The following JAG2 variants were observed in gnomAD, a reference collection of about 807,000 sequenced individuals.
JAG2 encodes protein jagged-2.
In JAG2, 46 loss-of-function variants were observed where a neutral mutation model predicts 141.7. That is an observed-to-expected ratio of 0.32 (90% CI 0.26 to 0.42). JAG2 has a LOEUF of 0.42. Ranked by LOEUF, JAG2 falls within the 10% of genes least tolerant of loss-of-function variation. The pLI is 1.00. For missense variants in JAG2, 1,500 were observed against 1,817.5 expected, an observed-to-expected ratio of 0.83 and a Z score of 3.18; for synonymous variants, 862 against 763.5, an observed-to-expected ratio of 1.13 and a Z score of -2.13.
chr14:105,147,279 C>T (rs1051849463), intron 20 of JAG2, 47 bp downstream of exon 20: 50 of 1,458,126 alleles, frequency 3.4e-5, no homozygotes, highest in Non-Finnish European at 4.2e-5. Context: ...CCTGACACCG[C>T]GGCTGGGCTG....
At chr14:105,153,936 C>A (rs889278420) in intron 5 of JAG2, among the ~76,000 whole-genome samples, 1 of 152,220 alleles carries the variant, frequency 6.6e-6, no homozygotes, top group African/African-American at 2.4e-5. Context: ...TCTACATCTG[C>A]CCAGACCAGG....
At position 105,142,788 on chromosome 14, in the gene JAG2, C is replaced by A; in HGVS notation, c.3624G>T (p.Ser1208=). The A allele has an allele frequency of 6.2e-7, 1 of 1,610,842 alleles. No individual in the cohort carries two copies. The highest frequency in any genetic ancestry group is 8.5e-7 in the Non-Finnish European group (1 of 1,179,012). Residue 1208 remains serine, a synonymous_variant, in exon 26 of 26, where the codon TCG becomes TCT. Transcript: ENST00000331782. ...AGGCCCAGTGGGCCGGCCTCCCCGGCGAGCGGCCAGGATCTTTGGTGAATT... is the reference window on the plus strand; with the variant it reads ...AGGCCCAGTGGGCCGGCCTCCCCGGAGAGCGGCCAGGATCTTTGGTGAATT... ...SHKFTKDPGR[S]PGRPAHWASG...
At chr14:105,168,141 CGCGGGCCGGGGTCG>C (rs774905555) in intron 1 of JAG2, 34 bp from the exon 2 acceptor site, 22 of 1,465,002 alleles carry the variant, frequency 1.5e-5, no homozygotes, top group South Asian at 6.5e-5. Context: ...CGGAGGGAGG[CGCGGGCCGGGGTCG>C]GCGGGCCGGG....
At position 105,146,496 on chromosome 14, in the gene JAG2, G is replaced by A. The variant is rs369469630; in HGVS notation, c.2598C>T (p.Ile866=). 4.5e-5 allele frequency: 73 copies of A among 1,612,606 alleles called. No homozygotes were observed. The highest frequency in any genetic ancestry group is 1.7e-4 in the Middle Eastern group (1 of 6,060). Reference sequence around the variant, plus strand: ...GGGACCAGCAGGATCTCCCGAACCCGATCACTGTGGGGAGAAGGGGCTCGA... The same window carrying A: ...GGGACCAGCAGGATCTCCCGAACCCAATCACTGTGGGGAGAAGGGGCTCGA... The part of the protein sequence containing the change: ...GRAGPRCQEV[I]GFGRSCWSRG... The change falls in exon 22 of 26, where the codon ATC becomes ATT. Residue 866 remains isoleucine (I), a synonymous_variant. Transcript: ENST00000331782.
intron 22 of JAG2, 129 bp from the exon 23 acceptor site, chr14:105,146,102 C>A (rs1400392030): frequency 1.5e-5 from 21 of 1,442,672 alleles, no homozygotes; most frequent in Non-Finnish European, 2.8e-6. Context: ...TCTGTGAGCC[C>A]CAGGGCCCAG....
chr14:105,160,824 T>C (rs1464123308), intron 2 of JAG2, among the ~76,000 whole-genome samples: 2 of 150,318 alleles, frequency 1.3e-5, no homozygotes, highest in Admixed American at 6.6e-5. Context: ...GATCGCACCA[T>C]TGCACTCCAG....
chr14:105,165,356 G>A (rs749536184), intron 2 of JAG2, among the ~76,000 whole-genome samples: 1 of 152,314 alleles, frequency 6.6e-6, no homozygotes, highest in South Asian at 2.1e-4. Flanking sequence ...GTGCACACAC[G>A]CAGCTGGGAG....
intron 5 of JAG2, among the ~76,000 whole-genome samples, chr14:105,153,837 C>T (rs2140982894): frequency 6.6e-6 from 1 of 152,314 alleles, no homozygotes; most frequent in East Asian, 1.9e-4. Flanking sequence ...AGCCAGCAGC[C>T]ATCCAGGGAG....
chr14:105,145,220 G>A (rs1233498568), intron 23 of JAG2, among the ~76,000 whole-genome samples, 159 bp from the exon 24 acceptor site: 1 of 152,186 alleles, frequency 6.6e-6, no homozygotes, highest in Non-Finnish European at 1.5e-5. Flanking sequence ...TTCCCACCCG[G>A]CTGTGCCCTA....
At chr14:105,143,369 A>G in intron 25 of JAG2, 113 bp downstream of exon 25, 2 of 1,373,460 alleles carry the variant, frequency 1.5e-6, no homozygotes, top group South Asian at 2.5e-5. Flanking sequence ...AGCAGGTGCC[A>G]GGGACTTCTG....
chr14:105,155,627 G>A lies in JAG2; in HGVS notation c.728-5C>T, dbSNP rs756900214. 30 of 1,612,620 alleles carry A rather than the reference G, an allele frequency of 1.9e-5. No individual in the cohort carries two copies. In the Admixed American group the frequency reaches 2.0e-4, roughly 11 times the overall value. Reference sequence around the variant, plus strand: ...TACACCCTTGTTTACACACAGCTGCGAACAGAGAGGAGCGAGAGGCACAGC... The same window carrying A: ...TACACCCTTGTTTACACACAGCTGCAAACAGAGAGGAGCGAGAGGCACAGC... On this transcript the variant is annotated splice_polypyrimidine_tract_variant and splice_region_variant and intron_variant, in intron 4 of 25. Coordinates refer to ENST00000331782, the MANE Select transcript of JAG2 (RefSeq NM_002226.5).
At chr14:105,162,274 G>A (rs117109343) in intron 2 of JAG2, among the ~76,000 whole-genome samples, 1,550 of 152,062 alleles carry the variant, frequency 0.01, 55 homozygotes, top group Admixed American at 0.079. Context: ...CTACAAGCCC[G>A]GCCTGACCCA....
chr14:105,145,656 G>A, intron 23 of JAG2, 75 bp downstream of exon 23: 2 of 1,534,300 alleles, frequency 1.3e-6, no homozygotes, highest in East Asian at 2.5e-5. Flanking sequence ...GCCCTGCGGG[G>A]CTAGGCTTTC....
rs954216039 is a variant in JAG2, at chr14:105,167,032, C to G, written c.417+725G>C. 6.6e-6 allele frequency among the ~76,000 whole-genome samples: 1 copy of G among 152,158 alleles called. No individual in the cohort carries two copies. The highest frequency in any genetic ancestry group is 1.5e-5 in the Non-Finnish European group (1 of 68,012). ...CCTGTTTCCCAGTGACACTGGACCCCTACCACCCCTCCTCCCAGCACGCCC... is the reference window on the plus strand; with the variant it reads ...CCTGTTTCCCAGTGACACTGGACCCGTACCACCCCTCCTCCCAGCACGCCC... On this transcript the variant is annotated intron_variant, in intron 2 of 25. Coordinates refer to ENST00000331782, the MANE Select transcript of JAG2 (RefSeq NM_002226.5). This position sits in a 1 kb window ranked among gnomAD's most constrained non-coding sequence, Gnocchi z 4.8.
In JAG2 at chr14:105,167,019, T is replaced by C. The variant is rs995526675; in HGVS notation, c.417+738A>G. Among the ~76,000 whole-genome samples the C allele has an allele frequency of 6.6e-6, 1 of 152,090 alleles. No homozygotes were observed. The highest frequency in any genetic ancestry group is 1.5e-5 in the Non-Finnish European group (1 of 67,992). The stretch of plus-strand genomic sequence containing the variant: ...ACTGGGATGAGTACCTGTTTCCCAG[T>C]GACACTGGACCCCTACCACCCCTCC... On this transcript the variant is annotated intron_variant, in intron 2 of 25. Transcript: ENST00000331782. This position sits in a 1 kb window ranked among gnomAD's most constrained non-coding sequence, Gnocchi z 4.8.
rs1384301928 is a variant in JAG2, at chr14:105,149,163, C to G, written c.1753+7G>C. On this transcript the variant is annotated splice_region_variant and intron_variant, in intron 13 of 25. Coordinates refer to ENST00000331782, the MANE Select transcript of JAG2 (RefSeq NM_002226.5). ...CCTCCCCCACCACCCCATGCCGCAC[C>G]CAGCACCTCTGCAGGCCCCGCCAGG... 6.2e-6 allele frequency: 10 copies of G among 1,609,890 alleles called. No homozygotes were observed. The highest frequency in any genetic ancestry group is 8.5e-6 in the Non-Finnish European group (10 of 1,179,138).
intron 9 of JAG2, 56 bp downstream of exon 9, chr14:105,151,227 C>T: frequency 6.5e-7 from 1 of 1,535,592 alleles, no homozygotes; most frequent in Non-Finnish European, 8.8e-7. Context: ...GCCCCAGCAG[C>T]CCCCGCAGCC....
chr14:105,143,510 C>A lies in JAG2; in HGVS notation c.3213G>T (p.Glu1071Asp). The A allele has an allele frequency of 6.4e-7, 1 of 1,572,788 alleles. No individual in the cohort carries two copies. The highest frequency in any genetic ancestry group is 8.6e-7 in the Non-Finnish European group (1 of 1,161,460). Reference protein sequence around the residue: ...LLLAVTEVKVETVVTGGSSTG... With the variant: ...LLLAVTEVKVDTVVTGGSSTG... ...TGGAAGAGCCGCCCGTAACAACCGT[C>A]TCCACCTTGACCTCGGTGACAGCCA... The change falls in exon 25 of 26, where the codon GAG becomes GAT. Residue 1071 changes from glutamate (E) to aspartate (D), a missense_variant. This residue lies in a region of JAG2 where 425 missense variants were observed against 441.0 expected (regional missense o/e 0.96). Transcript: ENST00000331782.
At position 105,154,174 on chromosome 14, in the gene JAG2, C is replaced by T. The variant is rs968420791; in HGVS notation, c.788+1388G>A. Among the ~76,000 whole-genome samples, 1 of 152,200 alleles carries T rather than the reference C, an allele frequency of 6.6e-6. No homozygotes were observed. Among genetic ancestry groups the T allele is most frequent in the African/African-American group, 2.4e-5 (1 of 41,446 alleles). On this transcript the variant is annotated intron_variant, in intron 5 of 25. Transcript: ENST00000331782. This position sits in a 1 kb window ranked among gnomAD's most constrained non-coding sequence, Gnocchi z 4.4. Reference sequence around the variant, plus strand: ...CCAACTCAGCTGGTTCCCAAACTCCCCGACTCCTCTCCAAAACGCCACGCT... The same window carrying T: ...CCAACTCAGCTGGTTCCCAAACTCCTCGACTCCTCTCCAAAACGCCACGCT...
Sources: allele counts gnomAD v4.1 joint callset (sites outside exome capture counted in the v4.1 genomes callset), GRCh38; gene constraint gnomAD v4.1.1; regional missense constraint gnomAD v4.1.1; non-coding constraint Gnocchi (gnomAD v3.1); transcripts MANE v1.5; gene names NCBI Gene and HGNC (gene_info 2026-07-23, HGNC 2026-07-21).